Variants in MGAT4A observed in about 807,000 individuals in gnomAD.
MGAT4A encodes alpha-1,3-mannosyl-glycoprotein 4-beta-N-acetylglucosaminyltransferase A.
A neutral mutation model predicts 74.1 loss-of-function variants in MGAT4A; 33 were observed. The ratio of observed to expected loss-of-function variants is 0.45; its 90% CI spans 0.34 to 0.60. The LOEUF (loss-of-function observed/expected upper bound fraction) is 0.60, where lower values mean the gene tolerates loss of function less well. MGAT4A is among the 20% of genes least tolerant of loss of function. The probability of loss-of-function intolerance (pLI) is 0.02; values close to 1 mark genes in which losing one functional copy is unlikely to be tolerated. For synonymous variants in MGAT4A, 198 were observed against 210.4 expected (o/e 0.94, Z 0.51); for missense variants, 479 against 628.3 (o/e 0.76, Z 2.54).
At position 98,621,575 on chromosome 2, in the gene MGAT4A, T is replaced by C; in HGVS notation, c.*3991A>G. 3 of 1,545,874 alleles carry C rather than the reference T, an allele frequency of 1.9e-6. No individual in the cohort carries two copies. The highest frequency in any genetic ancestry group is 2.6e-6 in the Non-Finnish European group (3 of 1,143,686). On this transcript the variant is annotated 3_prime_UTR_variant, in exon 16 of 16. Transcript: ENST00000393487. Reference sequence around the variant, plus strand: ...CTTCCTTTTGCTACATAACATGATATAATCATGGATCAAACAGGTTCCACC... The same window carrying C: ...CTTCCTTTTGCTACATAACATGATACAATCATGGATCAAACAGGTTCCACC...
At chr2:98,716,563 A>G (rs1252565789) in intron 2 of MGAT4A, among the ~76,000 whole-genome samples, 1 of 152,186 alleles carries the variant, frequency 6.6e-6, no homozygotes, top group Non-Finnish European at 1.5e-5. Context: ...GGTTGCGGTG[A>G]GCCAAGATTG....
chr2:98,671,379 A>C (rs1026217732), intron 4 of MGAT4A, among the ~76,000 whole-genome samples: 2 of 152,204 alleles, frequency 1.3e-5, no homozygotes, highest in Non-Finnish European at 2.9e-5. Context: ...AGTCATTCTT[A>C]ATAAGTCCTG....
chr2:98,644,143 T>C, intron 9 of MGAT4A, 90 bp from the exon 10 acceptor site: 3 of 1,258,964 alleles, frequency 2.4e-6, no homozygotes, highest in African/African-American at 3.0e-5. Context: ...CGACATACAC[T>C]GAGGCTTGCG....
intron 4 of MGAT4A, among the ~76,000 whole-genome samples, chr2:98,669,885 T>TGAA: frequency 6.6e-6 from 1 of 152,298 alleles, no homozygotes. Context: ...ATCCTTGAGA[T>TGAA]TGTTCTCTTT....
intron 6 of MGAT4A, 100 bp from the exon 7 acceptor site, chr2:98,656,565 T>C (rs1030592864): frequency 2.7e-6 from 2 of 745,314 alleles, no homozygotes; most frequent in Non-Finnish European, 4.4e-6. Context: ...TCAGTAATCA[T>C]TTGTAGCAAC....
intron 2 of MGAT4A, among the ~76,000 whole-genome samples, chr2:98,682,471 C>T (rs1443097945): frequency 1.4e-5 from 2 of 143,936 alleles, no homozygotes; most frequent in Non-Finnish European, 3.0e-5. Flanking sequence ...ACCATCATAG[C>T]AATAACTGAC....
At chr2:98,628,264 T>C (rs1289136305) in intron 14 of MGAT4A, among the ~76,000 whole-genome samples, 1 of 152,234 alleles carries the variant, frequency 6.6e-6, no homozygotes, top group African/African-American at 2.4e-5. Context: ...CTCCGTCAAT[T>C]CCTCAGGAGC....
intron 14 of MGAT4A, among the ~76,000 whole-genome samples, chr2:98,633,694 A>G (rs1388789285): frequency 6.6e-6 from 1 of 152,204 alleles, no homozygotes; most frequent in East Asian, 1.9e-4. Context: ...AGAACATATG[A>G]GTTGATATTT....
intron 5 of MGAT4A, among the ~76,000 whole-genome samples, 170 bp downstream of exon 5, chr2:98,662,876 G>A (rs1011967896): frequency 1.3e-5 from 2 of 152,140 alleles, no homozygotes; most frequent in African/African-American, 4.8e-5. Context: ...GTAATTGCAG[G>A]ACAGAAGTGA....
chr2:98,621,346 A>C lies in MGAT4A; in HGVS notation c.*4220T>G. On this transcript the variant is annotated 3_prime_UTR_variant, in exon 16 of 16. Transcript: ENST00000393487. The stretch of plus-strand genomic sequence containing the variant: ...TCAGTTCCCGTGGCTGTAGGACTGC[A>C]GTTCCCAGCTCCTTTGCTGTTAGCC... The C allele has an allele frequency of 6.6e-7, 1 of 1,510,688 alleles. No individual in the cohort carries two copies. Among genetic ancestry groups the C allele is most frequent in the Middle Eastern group, 1.8e-4 (1 of 5,462 alleles). The allele number at this position is 1,510,688 out of a possible 1,614,324, so 93.6% of individuals were successfully genotyped here. A position where few individuals can be genotyped will look rare whatever the true frequency, so the allele number is the denominator to read the frequency against.
intron 2 of MGAT4A, among the ~76,000 whole-genome samples, chr2:98,690,138 C>T (rs137856133): frequency 4.3e-4 from 66 of 152,288 alleles, no homozygotes; most frequent in African/African-American, 1.5e-3. Context: ...ACACATGGTC[C>T]CATCCCCACT....
At chr2:98,665,961 A>G (rs964958661) in intron 4 of MGAT4A, among the ~76,000 whole-genome samples, 3 of 152,268 alleles carry the variant, frequency 2.0e-5, no homozygotes, top group African/African-American at 7.2e-5. Flanking sequence ...GTCACATTGC[A>G]TATAACAAAG....
chr2:98,686,820 C>T (rs938004200), intron 2 of MGAT4A, among the ~76,000 whole-genome samples: 6 of 152,032 alleles, frequency 3.9e-5, no homozygotes, highest in African/African-American at 7.2e-5. Context: ...TCTAAATAGA[C>T]GTAATAATTT....
chr2:98,676,629 C>G (rs1376429957), intron 3 of MGAT4A, among the ~76,000 whole-genome samples: 1 of 151,934 alleles, frequency 6.6e-6, no homozygotes, highest in Non-Finnish European at 1.5e-5. Context: ...GGAAAAACAA[C>G]CCAGAAAAAC....
At chr2:98,712,680 C>A (rs1377258674) in intron 2 of MGAT4A, among the ~76,000 whole-genome samples, 2 of 152,210 alleles carry the variant, frequency 1.3e-5, no homozygotes, top group Admixed American at 6.5e-5. Context: ...CACACGCCAA[C>A]CCCTCATCTT....
intron 2 of MGAT4A, among the ~76,000 whole-genome samples, chr2:98,725,616 C>CT (rs1702750270): frequency 8.2e-6 from 1 of 121,950 alleles, no homozygotes; most frequent in African/African-American, 4.3e-5. Flanking sequence ...AGTAGTTTCT[C>CT]TTAAAAAAAA....
intron 2 of MGAT4A, among the ~76,000 whole-genome samples, chr2:98,720,582 G>A (rs1575284430): frequency 6.6e-6 from 1 of 152,068 alleles, no homozygotes; most frequent in African/African-American, 2.4e-5. Context: ...ACATGTGCCA[G>A]TTCCTATAAT....
chr2:98,721,737 A>C (rs112350753), intron 2 of MGAT4A, among the ~76,000 whole-genome samples: 3,291 of 152,256 alleles, frequency 0.022, 129 homozygotes, highest in African/African-American at 0.075. Flanking sequence ...GAGACTACTA[A>C]AAATACTCAA....
At chr2:98,669,869 T>G (rs1701889546) in intron 4 of MGAT4A, among the ~76,000 whole-genome samples, 1 of 152,178 alleles carries the variant, frequency 6.6e-6, no homozygotes, top group Non-Finnish European at 1.5e-5. Context: ...ATAACTACAG[T>G]GTGAAATCCT....
Sources: gnomAD v4.1 joint callset for allele counts (sites outside exome capture counted in the v4.1 genomes callset) on GRCh38, gnomAD v4.1.1 for gene constraint, MANE v1.5 for transcripts, NCBI Gene and HGNC (gene_info 2026-07-23, HGNC 2026-07-21) for gene names.